RARB: variants seen among roughly 807,000 people sequenced by gnomAD.
RARB encodes the protein retinoic acid receptor beta, also known as HBV-activated protein.
A neutral mutation model predicts 51.9 loss-of-function variants in RARB; 17 were observed. That is an observed-to-expected ratio of 0.33 (90% CI 0.22 to 0.49). RARB has a LOEUF of 0.49. Among genes scored for constraint, RARB ranks in the 20% least tolerant of loss-of-function variants. The probability of loss-of-function intolerance (pLI) is 0.99; values close to 1 mark genes in which losing one functional copy is unlikely to be tolerated. For synonymous variants in RARB, 215 were observed against 195.4 expected, an observed-to-expected ratio of 1.10 and a Z score of -0.84; for missense variants, 369 against 550.8, an observed-to-expected ratio of 0.67 and a Z score of 3.30.
intron 2 of RARB, among the ~76,000 whole-genome samples, chr3:24,959,521 G>A (rs1696093663): frequency 6.6e-6 from 1 of 152,160 alleles, no homozygotes; most frequent in Admixed American, 6.5e-5. Context: ...AGTGGGGCGG[G>A]GTAGGCCAGG....
intron 1 of RARB, among the ~76,000 whole-genome samples, chr3:25,434,169 C>G (rs1708326324): frequency 1.3e-5 from 2 of 152,126 alleles, no homozygotes; most frequent in South Asian, 4.1e-4. Context: ...TAGGCTTCCC[C>G]CAGCAGCTGA....
At chr3:25,466,817 A>G (rs1695452760) in intron 2 of RARB, among the ~76,000 whole-genome samples, 1 of 152,236 alleles carries the variant, frequency 6.6e-6, no homozygotes, top group Admixed American at 6.5e-5. Context: ...GCTGTAGATA[A>G]TATGTACAAA....
chr3:25,081,090 G>C (rs1698985086), intron 3 of RARB, among the ~76,000 whole-genome samples: 1 of 151,944 alleles, frequency 6.6e-6, no homozygotes. Flanking sequence ...TAGATCATTA[G>C]ACCAGTTTTC....
At chr3:25,541,408 G>A (rs1336939786) in intron 3 of RARB, among the ~76,000 whole-genome samples, 3 of 152,076 alleles carry the variant, frequency 2.0e-5, no homozygotes, top group African/African-American at 7.2e-5. Context: ...AATCATGCAT[G>A]AGGACACAGA....
intron 2 of RARB, among the ~76,000 whole-genome samples, chr3:25,048,730 G>A (rs1265624920): frequency 6.7e-6 from 1 of 148,546 alleles, no homozygotes; most frequent in Non-Finnish European, 1.5e-5. Context: ...GCATATTTCT[G>A]CAGAGAAAGA....
At chr3:25,283,852 GC>G (rs1703583546) in intron 5 of RARB, among the ~76,000 whole-genome samples, 1 of 152,146 alleles carries the variant, frequency 6.6e-6, no homozygotes, top group Admixed American at 6.5e-5. Flanking sequence ...AGTGGGGCAG[GC>G]AGCCTTCTCT....
At chr3:25,047,804 G>A (rs544397004) in intron 2 of RARB, among the ~76,000 whole-genome samples, 1 of 152,296 alleles carries the variant, frequency 6.6e-6, no homozygotes, top group Non-Finnish European at 1.5e-5. Context: ...TTATGCAGGT[G>A]GTTTTGCTTG....
chr3:25,353,888 C>A lies in RARB; in HGVS notation c.179-107305C>A, dbSNP rs962070592. On this transcript the variant is annotated intron_variant, in intron 5 of 11. Coordinates refer to the RARB transcript ENST00000383772. The stretch of plus-strand genomic sequence containing the variant: ...TTTTAGGGCCTGAATATATGAAATG[C>A]TTTCTAAGGAGAGAGAACAAGAGTT... Among the ~76,000 whole-genome samples the A allele has an allele frequency of 5.3e-5, 8 of 152,156 alleles. No homozygotes were observed. The East Asian group carries it at 9.6e-4, about 18-fold the overall frequency.
At chr3:25,526,088 A>T (rs183441972) in intron 3 of RARB, among the ~76,000 whole-genome samples, 21 of 152,334 alleles carry the variant, frequency 1.4e-4, no homozygotes, top group Middle Eastern at 3.4e-3. Flanking sequence ...GGGACTTAGG[A>T]CTGGCTGATG....
chr3:25,329,481 A>G (rs146881812), intron 5 of RARB, among the ~76,000 whole-genome samples: 3,078 of 152,130 alleles, frequency 0.02, 93 homozygotes, highest in African/African-American at 0.066. Context: ...AACAGAAAGG[A>G]CATCCACACC....
chr3:24,872,091 A>G (rs1384527302), intron 2 of RARB, among the ~76,000 whole-genome samples: 1 of 152,122 alleles, frequency 6.6e-6, no homozygotes, highest in East Asian at 1.9e-4. Context: ...AAAGTCCTCG[A>G]ATGATTCCCC....
chr3:24,904,185 T>A (rs536660348), intron 2 of RARB, among the ~76,000 whole-genome samples: 2 of 152,180 alleles, frequency 1.3e-5, no homozygotes, highest in African/African-American at 4.8e-5. Flanking sequence ...AACTGTCTTA[T>A]CTTTAAAATG....
chr3:24,897,602 G>A (rs557879140), intron 2 of RARB, among the ~76,000 whole-genome samples: 24 of 152,264 alleles, frequency 1.6e-4, no homozygotes, highest in South Asian at 1.4e-3. Context: ...TTTGTTACAA[G>A]ATTAATACTT....
At chr3:24,919,944 A>C (rs1019130442) in intron 2 of RARB, among the ~76,000 whole-genome samples, 1 of 152,218 alleles carries the variant, frequency 6.6e-6, no homozygotes, top group African/African-American at 2.4e-5. Flanking sequence ...TACAAATTAA[A>C]ATACGTGGGT....
chr3:25,024,173 A>G (rs1697695833), intron 2 of RARB, among the ~76,000 whole-genome samples: 1 of 152,228 alleles, frequency 6.6e-6, no homozygotes, highest in Non-Finnish European at 1.5e-5. Flanking sequence ...TAAAACACAT[A>G]GAAACTCATA....
At chr3:25,581,559 C>T (rs970841654) in intron 5 of RARB, among the ~76,000 whole-genome samples, 4 of 152,132 alleles carry the variant, frequency 2.6e-5, no homozygotes, top group African/African-American at 9.7e-5. Context: ...CAGGGATCCC[C>T]TTTTTACAGG....
At position 25,580,632 on chromosome 3, in the gene RARB, C is replaced by T. The variant is rs755865469; in HGVS notation, c.696C>T (p.Ile232=). Residue 232 remains isoleucine, a synonymous_variant, in exon 5 of 8, where the codon ATC becomes ATT. Coordinates refer to ENST00000330688, the MANE Select transcript of RARB (RefSeq NM_000965.5). ...TGGCCACCAAGTGCATTATTAAGAT[C>T]GTGGAGTTTGCTAAACGTCTGCCTG... ...SELATKCIIK[I]VEFAKRLPGF... is the part of the protein sequence containing the mutation. The T allele has an allele frequency of 1.3e-5, 21 of 1,613,130 alleles. No individual in the cohort carries two copies. The highest frequency in any genetic ancestry group is 1.0e-4 in the Admixed American group (6 of 59,988).
chr3:25,060,718 T>A (rs1255370052), intron 3 of RARB, among the ~76,000 whole-genome samples: 1 of 151,698 alleles, frequency 6.6e-6, no homozygotes, highest in Admixed American at 6.6e-5. Context: ...ATCATGGGAG[T>A]AGATGGCAGA....
chr3:24,902,099 T>C (rs893298680), intron 2 of RARB, among the ~76,000 whole-genome samples: 4 of 152,056 alleles, frequency 2.6e-5, no homozygotes, highest in Non-Finnish European at 5.9e-5. Flanking sequence ...TTCATAATCA[T>C]TGTACTAGAT....
Sources: gnomAD v4.1 joint callset for allele counts (sites outside exome capture counted in the v4.1 genomes callset) on GRCh38, gnomAD v4.1.1 for gene constraint, MANE v1.5 for transcripts, NCBI Gene and HGNC (gene_info 2026-07-23, HGNC 2026-07-21) for gene names.